CNTN3: variants seen among roughly 807,000 people sequenced by gnomAD.
The protein encoded by CNTN3 is contactin-3.
A neutral mutation model predicts 119.1 loss-of-function variants in CNTN3; 60 were observed. The observed-to-expected ratio is 0.50, with a 90% CI of 0.41 to 0.62. The LOEUF (loss-of-function observed/expected upper bound fraction) is 0.62, where lower values mean the gene tolerates loss of function less well. Ranked by LOEUF, CNTN3 falls within the 20% of genes least tolerant of loss-of-function variation. The pLI, the probability that CNTN3 is intolerant of heterozygous loss-of-function variation, is 0.00. For synonymous variants in CNTN3, 450 were observed against 438.7 expected (o/e 1.03, Z -0.32); for missense variants, 1,101 against 1,242.4 (o/e 0.89, Z 1.71).
intron 1 of CNTN3, among the ~76,000 whole-genome samples, chr3:74,564,439 A>G (rs1012782682): frequency 2.0e-5 from 3 of 152,082 alleles, no homozygotes; most frequent in Admixed American, 1.3e-4. Flanking sequence ...GAATGTTTTC[A>G]GCAAGAAAGT....
At chr3:74,397,213 A>C (rs909923639) in intron 5 of CNTN3, among the ~76,000 whole-genome samples, 1 of 152,184 alleles carries the variant, frequency 6.6e-6, no homozygotes, top group Non-Finnish European at 1.5e-5. Context: ...AGAACAAAAC[A>C]TGGGTGAGAG....
At chr3:74,552,836 C>T (rs182216646) in intron 1 of CNTN3, among the ~76,000 whole-genome samples, 55 of 152,278 alleles carry the variant, frequency 3.6e-4, no homozygotes, top group African/African-American at 1.3e-3. Flanking sequence ...CTCCCTCCTG[C>T]TGTTTTGTGA....
At chr3:74,499,450 T>C (rs1388215178) in intron 3 of CNTN3, among the ~76,000 whole-genome samples, 1 of 151,990 alleles carries the variant, frequency 6.6e-6, no homozygotes, top group East Asian at 1.9e-4. Context: ...ACTTTAGGGA[T>C]TCTGCCATGA....
At chr3:74,603,284 G>T (rs887218577) in intron 1 of CNTN3, among the ~76,000 whole-genome samples, 1 of 152,176 alleles carries the variant, frequency 6.6e-6, no homozygotes. Flanking sequence ...CCAGTGGGGA[G>T]TGAAGATGTC....
chr3:74,317,318 G>A (rs1216468098), intron 13 of CNTN3, among the ~76,000 whole-genome samples: 1 of 151,354 alleles, frequency 6.6e-6, no homozygotes, highest in Non-Finnish European at 1.5e-5. Flanking sequence ...CTTTTAATTG[G>A]AGCATTTAGC....
intron 20 of CNTN3, among the ~76,000 whole-genome samples, chr3:74,270,723 A>G (rs866652051): frequency 1.9e-4 from 29 of 152,284 alleles, no homozygotes; most frequent in African/African-American, 6.7e-4. Context: ...TGGAAGTGCA[A>G]CCCAGAATAG....
chr3:74,310,323 T>C (rs1485486652), intron 13 of CNTN3, among the ~76,000 whole-genome samples: 2 of 152,234 alleles, frequency 1.3e-5, no homozygotes, highest in Non-Finnish European at 2.9e-5. Context: ...ACTATTGCTA[T>C]ATAACAAATT....
chr3:74,426,986 C>T (rs1701705210), intron 4 of CNTN3, among the ~76,000 whole-genome samples: 1 of 152,112 alleles, frequency 6.6e-6, no homozygotes, highest in Non-Finnish European at 1.5e-5. Flanking sequence ...CTGATTTTAG[C>T]TAGAATATGC....
intron 5 of CNTN3, among the ~76,000 whole-genome samples, chr3:74,411,569 T>G (rs532996215): frequency 6.6e-6 from 1 of 152,352 alleles, no homozygotes; most frequent in African/African-American, 2.4e-5. Context: ...GAAAAAGTTT[T>G]CTTTTTTAAT....
In CNTN3 at chr3:74,577,240, T is replaced by C. The variant is rs115812252; in HGVS notation, c.-81+37151A>G. ...ATCAAATGAGTATCAAATGCTTCCA[T>C]GCACTACAAAAATGAAGAGATATTT... On this transcript the variant is annotated intron_variant, in intron 1 of 22. Coordinates refer to ENST00000263665, the MANE Select transcript of CNTN3 (RefSeq NM_020872.3). Among the ~76,000 whole-genome samples the C allele has an allele frequency of 4.2e-3, 646 of 152,296 alleles. 5 individuals carry two copies. Among genetic ancestry groups the C allele is most frequent in the African/African-American group, 0.015 (603 of 41,576 alleles).
chr3:74,554,889 C>G (rs137890528), intron 1 of CNTN3, among the ~76,000 whole-genome samples: 2,549 of 152,226 alleles, frequency 0.017, 40 homozygotes, highest in Admixed American at 0.054. Context: ...CTCTTCCTAT[C>G]TGAATACCCT....
intron 5 of CNTN3, among the ~76,000 whole-genome samples, chr3:74,421,816 T>A (rs1701620535): frequency 6.6e-6 from 1 of 152,152 alleles, no homozygotes. Context: ...CTTCAGCTGC[T>A]CTCTGACCTG....
rs779594990 is a variant in CNTN3 at position 74,266,617 on chromosome 3, T to C, written c.2850A>G (p.Val950=). ...AAGTTTTATTTGTGTTCAGTACTTGTACGTTATTTTGACTGCTAGTCCTAT... is the reference window on the plus strand; with the variant it reads ...AAGTTTTATTTGTGTTCAGTACTTGCACGTTATTTTGACTGCTAGTCCTAT... ...VFYRTSSQNN[V]QVLNTNKTSA... The change falls in exon 22 of 23, where the codon GTA becomes GTG. Residue 950 remains valine, a synonymous_variant. Coordinates refer to ENST00000263665, the MANE Select transcript of CNTN3 (RefSeq NM_020872.3). The C allele has an allele frequency of 3.7e-6, 6 of 1,613,422 alleles. No homozygotes were observed. The highest frequency in any genetic ancestry group is 5.1e-6 in the Non-Finnish European group (6 of 1,179,500).
In CNTN3 at chr3:74,424,851, A is replaced by G; in HGVS notation, c.448T>C (p.Ser150Pro). 6.2e-7 allele frequency: 1 copy of G among 1,613,386 alleles called. No individual in the cohort carries two copies. Among genetic ancestry groups the G allele is most frequent in the Non-Finnish European group, 8.5e-7 (1 of 1,179,474 alleles). ...VVLLCGPPPHSGELSYAWIFN... is the reference protein window; with the variant it reads ...VVLLCGPPPHPGELSYAWIFN... ...GAAACAGAGCATGACTTACCTCCAG[A>G]GTGTGGTGGGGGGCCGCAGAGCAGC... Residue 150 changes from serine (S) to proline (P), a missense_variant, in exon 5 of 23, where the codon TCT becomes CCT. By Grantham distance (74) the Ser-to-Pro change is moderately conservative (BLOSUM62 -1). Transcript: ENST00000263665.
intron 4 of CNTN3, among the ~76,000 whole-genome samples, chr3:74,485,392 A>C (rs1272514559): frequency 1.3e-5 from 2 of 152,140 alleles, no homozygotes; most frequent in Admixed American, 1.3e-4. Context: ...AGAAGATACA[A>C]GTAAAAAATA....
At chr3:74,576,993 G>GGGT (rs1704429401) in intron 1 of CNTN3, among the ~76,000 whole-genome samples, 1 of 152,092 alleles carries the variant, frequency 6.6e-6, no homozygotes, top group African/African-American at 2.4e-5. Flanking sequence ...GACTTGGTAA[G>GGGT]CAGTCTTCTT....
intron 1 of CNTN3, among the ~76,000 whole-genome samples, chr3:74,599,569 A>G (rs189493174): frequency 1.3e-5 from 2 of 152,184 alleles, no homozygotes; most frequent in Admixed American, 6.5e-5. Context: ...CACATACGCA[A>G]TTCACAAATG....
At chr3:74,518,842 C>T (rs6800112) in intron 2 of CNTN3, among the ~76,000 whole-genome samples, 6,616 of 151,940 alleles carry the variant, frequency 0.044, 157 homozygotes, top group South Asian at 0.066. Context: ...TTTGCATACA[C>T]TGCAACTATC....
chr3:74,275,219 C>T (rs1701857517), intron 20 of CNTN3, among the ~76,000 whole-genome samples: 4 of 152,232 alleles, frequency 2.6e-5, no homozygotes, highest in Admixed American at 2.6e-4. Context: ...GTTTGGAAAA[C>T]ATATTTGGGG....
Sources: gnomAD v4.1 joint callset for allele counts (sites outside exome capture counted in the v4.1 genomes callset) on GRCh38, gnomAD v4.1.1 for gene constraint, MANE v1.5 for transcripts, NCBI Gene and HGNC (gene_info 2026-07-23, HGNC 2026-07-21) for gene names.